Variants in MACC1 observed in about 807,000 individuals in gnomAD.
MACC1 encodes metastasis-associated in colon cancer protein 1.
In MACC1, 79 loss-of-function variants were observed where a neutral mutation model predicts 70.7. The observed-to-expected ratio is 1.12, with a 90% CI of 0.93 to 1.35. MACC1 has a LOEUF of 1.35. MACC1 is among the 40% of genes most tolerant of loss of function. The probability of loss-of-function intolerance (pLI) is 0.00; values close to 1 mark genes in which losing one functional copy is unlikely to be tolerated. For synonymous variants in MACC1, 361 were observed against 347.2 expected, an observed-to-expected ratio of 1.04 and a Z score of -0.44; for missense variants, 1,106 against 978.1, an observed-to-expected ratio of 1.13 and a Z score of -1.74.
At position 20,179,235 on chromosome 7, in the gene MACC1, T is replaced by C. The variant is rs567894150; in HGVS notation, c.-217-8457A>G. Among the ~76,000 whole-genome samples the C allele has an allele frequency of 2.7e-4, 30 of 110,934 alleles. No homozygotes were observed. In the East Asian group the frequency reaches 0.018, roughly 67 times the overall value. 72.8% of individuals were successfully genotyped at this position (110,934 alleles called of 152,430 possible). ...TTGTCCTTTGAATAAGGTCTTGCTA[T>C]CTTACAGAAAAAAAAAATTCCATCA... On this transcript the variant is annotated intron_variant, in intron 1 of 6. Coordinates refer to ENST00000400331, the MANE Select transcript of MACC1 (RefSeq NM_182762.4).
intron 1 of MACC1, among the ~76,000 whole-genome samples, chr7:20,213,093 C>G (rs1329703495): frequency 6.6e-6 from 1 of 152,100 alleles, no homozygotes; most frequent in African/African-American, 2.4e-5. Context: ...GTGGAAAATG[C>G]AAAGATGGTG....
rs145067472 is a variant in MACC1 at position 20,154,704 on chromosome 7, A to G, written c.2158-323T>C. Among the ~76,000 whole-genome samples, 62 of 152,288 alleles carry G rather than the reference A, an allele frequency of 4.1e-4. No homozygotes were observed. The East Asian group carries it at 0.012, about 28-fold the overall frequency. On this transcript the variant is annotated intron_variant, in intron 5 of 6. Coordinates refer to ENST00000400331, the MANE Select transcript of MACC1 (RefSeq NM_182762.4). ...AAGGAAGTTAAATTACACACTTCCAATGGTACTCTGAAGTTCCGGCAGTCT... is the reference window on the plus strand; with the variant it reads ...AAGGAAGTTAAATTACACACTTCCAGTGGTACTCTGAAGTTCCGGCAGTCT...
chr7:20,170,923 C>T (rs1261901796), intron 1 of MACC1, 145 bp from the exon 2 acceptor site: 1 of 152,222 alleles, frequency 6.6e-6, no homozygotes, highest in African/African-American at 2.4e-5. Flanking sequence ...TTACACCACA[C>T]CATCCAATTC....
chr7:20,154,775 G>T (rs1160331184), intron 5 of MACC1, among the ~76,000 whole-genome samples: 1 of 152,058 alleles, frequency 6.6e-6, no homozygotes, highest in Non-Finnish European at 1.5e-5. Flanking sequence ...AAGAAATAAA[G>T]CCTCGTTCTA....
Position 20,198,182 on chromosome 7 carries a change from G to A in MACC1, c.-218+19117C>T, listed in dbSNP as rs190096165. 1.9e-3 allele frequency among the ~76,000 whole-genome samples: 291 copies of A among 152,308 alleles called. 1 individual carries two copies. Among genetic ancestry groups the A allele is most frequent in the African/African-American group, 6.7e-3 (279 of 41,578 alleles). On this transcript the variant is annotated intron_variant, in intron 1 of 6. Transcript: ENST00000400331. ...AGATCCCTGAGGGCATGTGATATGTGGGTATGGAGGAGAGTAGTGGAAAGA... is the reference window on the plus strand; with the variant it reads ...AGATCCCTGAGGGCATGTGATATGTAGGTATGGAGGAGAGTAGTGGAAAGA...
chr7:20,144,180 T>C (rs1781852080), intron 6 of MACC1, among the ~76,000 whole-genome samples: 1 of 152,220 alleles, frequency 6.6e-6, no homozygotes, highest in African/African-American at 2.4e-5. Context: ...TCAAGGTTTA[T>C]TATCTTCCAC....
In MACC1 at chr7:20,159,531, A is replaced by G. The variant is rs555877682; in HGVS notation, c.830T>C (p.Leu277Ser). 75 of 1,614,038 alleles carry G rather than the reference A, an allele frequency of 4.6e-5. No individual in the cohort carries two copies. The highest frequency in any genetic ancestry group is 1.6e-4 in the Middle Eastern group (1 of 6,084). Residue 277 changes from leucine to serine, a missense_variant, in exon 5 of 7, where the codon TTA becomes TCA. By Grantham distance (145) the Leu-to-Ser change is moderately radical. Coordinates refer to ENST00000400331, the MANE Select transcript of MACC1 (RefSeq NM_182762.4). ...GGCTTCCATTGTATTGAGGTTGCCT[A>G]ACATGATTTCCAACAACGGGCTCAC... The part of the protein sequence containing the change: ...CTVSPLLEIM[L>S]GNLNTMEALL...
intron 1 of MACC1, among the ~76,000 whole-genome samples, chr7:20,196,381 C>T (rs547775103): frequency 4.4e-4 from 67 of 152,078 alleles, no homozygotes; most frequent in African/African-American, 1.6e-3. Flanking sequence ...GGGGTTTCAC[C>T]GTGTTAGCCA....
chr7:20,158,243 T>G lies in MACC1; in HGVS notation c.2118A>C (p.Thr706=), dbSNP rs140500868. ...VIKKLKEDCH[T]ERNTRKFLYE... is the part of the protein sequence containing the mutation. ...ACAGAAACTTCCTTGTATTTCTCTCTGTGTGGCAATCTTCCTTTAACTTCT... is the reference window on the plus strand; with the variant it reads ...ACAGAAACTTCCTTGTATTTCTCTCGGTGTGGCAATCTTCCTTTAACTTCT... Residue 706 remains threonine (T), a synonymous_variant, in exon 5 of 7, where the codon ACA becomes ACC. Transcript: ENST00000400331. 3.8e-6 allele frequency: 6 copies of G among 1,598,762 alleles called. No individual in the cohort carries two copies. The highest frequency in any genetic ancestry group is 4.3e-6 in the Non-Finnish European group (5 of 1,175,748).
intron 1 of MACC1, among the ~76,000 whole-genome samples, chr7:20,211,021 T>A (rs1210736220): frequency 6.6e-6 from 1 of 152,124 alleles, no homozygotes; most frequent in African/African-American, 2.4e-5. Flanking sequence ...TGCCTCCTAT[T>A]ATGTGTGTAT....
intron 6 of MACC1, among the ~76,000 whole-genome samples, chr7:20,147,870 A>G (rs748558500): frequency 2.6e-5 from 4 of 152,206 alleles, no homozygotes; most frequent in Non-Finnish European, 5.9e-5. Context: ...TGGTTAAGCC[A>G]TCTTACCAAT....
intron 1 of MACC1, among the ~76,000 whole-genome samples, chr7:20,212,081 G>A (rs924059694): frequency 1.3e-5 from 2 of 152,204 alleles, no homozygotes; most frequent in Non-Finnish European, 2.9e-5. Context: ...AACATACACT[G>A]CAGTGATATC....
At chr7:20,195,857 G>A (rs1282809368) in intron 1 of MACC1, among the ~76,000 whole-genome samples, 1 of 152,170 alleles carries the variant, frequency 6.6e-6, no homozygotes, top group Non-Finnish European at 1.5e-5. Flanking sequence ...GTGTAGGGGT[G>A]TGTGACTTAA....
intron 6 of MACC1, among the ~76,000 whole-genome samples, chr7:20,153,726 C>T (rs142199661): frequency 3.9e-5 from 6 of 152,298 alleles, no homozygotes; most frequent in African/African-American, 1.4e-4. Flanking sequence ...TCTCTCATCA[C>T]CAGTGGCTCT....
intron 1 of MACC1, among the ~76,000 whole-genome samples, chr7:20,211,983 A>G (rs944844018): frequency 6.6e-6 from 1 of 152,236 alleles, no homozygotes; most frequent in African/African-American, 2.4e-5. Context: ...TCAAACATTC[A>G]AAACAATCTT....
At chr7:20,185,145 T>C (rs755157061) in intron 1 of MACC1, 2 of 152,156 alleles carry the variant, frequency 1.3e-5, no homozygotes, top group Non-Finnish European at 2.9e-5. Flanking sequence ...AAGCCTGAAT[T>C]CCTCCCAAAA....
intron 1 of MACC1, among the ~76,000 whole-genome samples, chr7:20,175,383 C>T (rs1782375550): frequency 6.6e-6 from 1 of 151,988 alleles, no homozygotes; most frequent in African/African-American, 2.4e-5. Flanking sequence ...TTTTTCTCTT[C>T]TTTTTCATGG....
intron 1 of MACC1, among the ~76,000 whole-genome samples, chr7:20,178,403 T>A (rs146981121): frequency 6.6e-6 from 1 of 152,190 alleles, no homozygotes; most frequent in Admixed American, 6.5e-5. Flanking sequence ...AGGTTTACAG[T>A]TGTATACCTT....
Position 20,152,741 on chromosome 7 carries a change from G to C in MACC1, c.2346+1452C>G, listed in dbSNP as rs145552340. ...GTTTGCTGGCCTCCATCAAGATTTA[G>C]GGGAAGACAAACTATAAACAACCAC... On this transcript the variant is annotated intron_variant, in intron 6 of 6. Transcript: ENST00000400331. Among the ~76,000 whole-genome samples the C allele has an allele frequency of 6.1e-3, 934 of 152,240 alleles. 5 individuals carry two copies. The highest frequency in any genetic ancestry group is 0.014 in the Middle Eastern group (4 of 294).
Sources: gnomAD v4.1 joint callset for allele counts (sites outside exome capture counted in the v4.1 genomes callset) on GRCh38, gnomAD v4.1.1 for gene constraint, MANE v1.5 for transcripts, NCBI Gene and HGNC (gene_info 2026-07-23, HGNC 2026-07-21) for gene names.